WDTC1: variants seen among roughly 807,000 people sequenced by gnomAD.
The protein encoded by WDTC1 is WD and tetratricopeptide repeats 1.
In WDTC1, 12 loss-of-function variants were observed where a neutral mutation model predicts 76.0. That is an observed-to-expected ratio of 0.16 (90% CI 0.10 to 0.26). The LOEUF is 0.26. WDTC1 is among the 10% of genes least tolerant of loss of function. The probability of loss-of-function intolerance (pLI) is 1.00; values close to 1 mark genes in which losing one functional copy is unlikely to be tolerated. For missense variants in WDTC1, 511 were observed against 908.8 expected (o/e 0.56, Z 5.63); for synonymous variants, 326 against 350.8 (o/e 0.93, Z 0.79).
chr1:27,260,368 G>A (rs573758313), intron 1 of WDTC1, among the ~76,000 whole-genome samples: 1 of 152,342 alleles, frequency 6.6e-6, no homozygotes, highest in East Asian at 1.9e-4. Flanking sequence ...GCCTCCCGAA[G>A]TTCTGGGATT....
chr1:27,301,469 G>A lies in WDTC1; in HGVS notation c.1468+8G>A, dbSNP rs1439511954. 1 of 1,610,674 alleles carries A rather than the reference G, an allele frequency of 6.2e-7. No individual in the cohort carries two copies. Among genetic ancestry groups the A allele is most frequent in the South Asian group, 1.1e-5 (1 of 90,992 alleles). ...TCTCTAAAAATGATGGTGGTGAGTG[G>A]GCACTGAGGAGGGGGTGCTGTTACT... On this transcript the variant is annotated splice_region_variant and intron_variant, in intron 13 of 15. Coordinates refer to ENST00000319394, the MANE Select transcript of WDTC1 (RefSeq NM_001276252.2). This position sits in a 1 kb window ranked among gnomAD's most constrained non-coding sequence, Gnocchi z 5.8.
chr1:27,273,530 A>G (rs1238828545), intron 3 of WDTC1, among the ~76,000 whole-genome samples: 1 of 152,078 alleles, frequency 6.6e-6, no homozygotes, highest in South Asian at 2.1e-4. Context: ...TCTTAATGAC[A>G]TTAAGAAAAC....
intron 2 of WDTC1, 65 bp downstream of exon 2, chr1:27,261,167 G>T: frequency 1.2e-6 from 2 of 1,600,278 alleles, no homozygotes; most frequent in Non-Finnish European, 1.7e-6. Flanking sequence ...TGATTTTACA[G>T]ATGAAAAAAC....
At chr1:27,275,639 A>G (rs1227479078) in intron 3 of WDTC1, among the ~76,000 whole-genome samples, 1 of 151,652 alleles carries the variant, frequency 6.6e-6, no homozygotes, top group African/African-American at 2.4e-5. Flanking sequence ...AAAAATAAAG[A>G]AAAAGATGGA....
chr1:27,287,175 CA>C (rs964522810), intron 5 of WDTC1, among the ~76,000 whole-genome samples: 4 of 148,610 alleles, frequency 2.7e-5, no homozygotes, highest in African/African-American at 7.4e-5. Context: ...AAAAAAAAAA[CA>C]AAAAAAACCC....
chr1:27,271,138 G>C (rs2012857211), intron 3 of WDTC1, among the ~76,000 whole-genome samples: 2 of 152,140 alleles, frequency 1.3e-5, no homozygotes, highest in Admixed American at 1.3e-4. Flanking sequence ...CACTCCAGCG[G>C]GTGGGAGGTA....
intron 3 of WDTC1, among the ~76,000 whole-genome samples, chr1:27,264,628 C>CT (rs1553129653): frequency 4.0e-5 from 6 of 150,876 alleles, no homozygotes; most frequent in Admixed American, 1.3e-4. Context: ...TTTTGTGGGT[C>CT]TTTGTTTTGT....
At chr1:27,289,846 G>A (rs1414689937) in intron 6 of WDTC1, among the ~76,000 whole-genome samples, 3 of 152,202 alleles carry the variant, frequency 2.0e-5, no homozygotes, top group African/African-American at 7.2e-5. Flanking sequence ...CCAGTCAGGC[G>A]TGGCGGCACG....
rs753895133 is a variant in WDTC1 at position 27,305,214 on chromosome 1, A to G, written c.1836+21A>G. On this transcript the variant is annotated intron_variant, in intron 15 of 15. Coordinates refer to ENST00000319394, the MANE Select transcript of WDTC1 (RefSeq NM_001276252.2). The surrounding 1 kb of genome is among the most constrained non-coding windows in gnomAD (Gnocchi z 4.6). ...CAGAGGTGAGGGTGCAGAGCCAAGC[A>G]GAGAGGAGGGCAGGGACTCTGTGGA... 8.1e-6 allele frequency: 13 copies of G among 1,609,852 alleles called. No individual in the cohort carries two copies. The East Asian group carries it at 2.9e-4, about 36-fold the overall frequency.
chr1:27,269,914 TTGTTG>T (rs1376079131), intron 3 of WDTC1, among the ~76,000 whole-genome samples: 1 of 6,474 alleles, frequency 1.5e-4, no homozygotes, highest in African/African-American at 2.0e-4. Flanking sequence ...CCGGCCTTTG[TTGTTG>T]TTGTTGTTGT....
chr1:27,281,298 C>CA (rs2013181797), intron 3 of WDTC1, among the ~76,000 whole-genome samples: 1 of 151,874 alleles, frequency 6.6e-6, no homozygotes, highest in African/African-American at 2.4e-5. Context: ...ACTAAAAATA[C>CA]AAAAAATTAG....
rs2147991727 is a variant in WDTC1, at chr1:27,301,003, A to G, written c.1233-223A>G. Among the ~76,000 whole-genome samples, 1 of 152,278 alleles carries G rather than the reference A, an allele frequency of 6.6e-6. No homozygotes were observed. The highest frequency in any genetic ancestry group is 6.5e-5 in the Admixed American group (1 of 15,288). On this transcript the variant is annotated intron_variant, in intron 12 of 15. Transcript: ENST00000319394. This position sits in a 1 kb window ranked among gnomAD's most constrained non-coding sequence, Gnocchi z 5.8. ...GGGCAGCCTGACACCAGCTTTTGCC[A>G]CCCTCAAGACCTCAGGGTTTCCTGG...
At chr1:27,273,430 G>A (rs2147948802) in intron 3 of WDTC1, among the ~76,000 whole-genome samples, 1 of 151,904 alleles carries the variant, frequency 6.6e-6, no homozygotes, top group African/African-American at 2.4e-5. Context: ...GGATGGTCTT[G>A]ATCTCCTGAC....
intron 12 of WDTC1, among the ~76,000 whole-genome samples, chr1:27,300,859 G>A (rs2013814062): frequency 6.6e-6 from 1 of 152,238 alleles, no homozygotes; most frequent in South Asian, 2.1e-4. Context: ...GAAGGTGGAT[G>A]GGGGAAGAGA....
chr1:27,254,115 A>AC (rs2012192678), intron 1 of WDTC1, among the ~76,000 whole-genome samples: 1 of 152,244 alleles, frequency 6.6e-6, no homozygotes, highest in African/African-American at 2.4e-5. Context: ...AACAAAAACA[A>AC]AAAAAAGAAA....
Position 27,251,428 on chromosome 1 carries a change from A to G in WDTC1, c.-99-9528A>G, listed in dbSNP as rs74061744. Among the ~76,000 whole-genome samples, 1,341 of 152,078 alleles carry G rather than the reference A, an allele frequency of 8.8e-3. 23 individuals are homozygous for G. The highest frequency in any genetic ancestry group is 0.03 in the African/African-American group (1,252 of 41,512). ...CTTCTTCTGTGCCTTAAGTATTTTT[A>G]TATTTTTCATAATCTCAGCTCCCAG... is the stretch of plus-strand genomic sequence containing the variant. On this transcript the variant is annotated intron_variant, in intron 1 of 15. Coordinates refer to ENST00000319394, the MANE Select transcript of WDTC1 (RefSeq NM_001276252.2).
chr1:27,306,221 G>T lies in WDTC1; in HGVS notation c.1872G>T (p.Met624Ile). 1 of 1,614,118 alleles carries T rather than the reference G, an allele frequency of 6.2e-7. No individual in the cohort carries two copies. The highest frequency in any genetic ancestry group is 8.5e-7 in the Non-Finnish European group (1 of 1,179,998). Residue 624 changes from methionine (M) to isoleucine (I), a missense_variant, in exon 16 of 16, where the codon ATG becomes ATT. By Grantham distance (10) the Met-to-Ile change is conservative (BLOSUM62 1). Coordinates refer to ENST00000319394, the MANE Select transcript of WDTC1 (RefSeq NM_001276252.2). The surrounding 1 kb of genome is among the most constrained non-coding windows in gnomAD (Gnocchi z 5.0). ...EDLTGRVVED[M>I]EGASQANQRR... The stretch of plus-strand genomic sequence containing the variant: ...TCACAGGCCGAGTCGTGGAAGATAT[G>T]GAGGGTGCTTCACAGGCCAACCAGC...
At chr1:27,289,157 G>A (rs1025769887) in intron 6 of WDTC1, among the ~76,000 whole-genome samples, 4 of 149,226 alleles carry the variant, frequency 2.7e-5, no homozygotes, top group Admixed American at 6.6e-5. Flanking sequence ...AGGGGCGGCC[G>A]GGCAGAGGCG....
In WDTC1 at chr1:27,303,129, T is replaced by C. The variant is rs1384409604; in HGVS notation, c.1469-492T>C. The stretch of plus-strand genomic sequence containing the variant: ...CTCTACTAAAAATACAAAAATTAGC[T>C]GGGCGTGGTGGCACGTGCCTGGTAG... On this transcript the variant is annotated intron_variant, in intron 13 of 15. Coordinates refer to ENST00000319394, the MANE Select transcript of WDTC1 (RefSeq NM_001276252.2). This position sits in a 1 kb window ranked among gnomAD's most constrained non-coding sequence, Gnocchi z 4.8. 6.6e-6 allele frequency among the ~76,000 whole-genome samples: 1 copy of C among 151,830 alleles called. No homozygotes were observed. The highest frequency in any genetic ancestry group is 1.5e-5 in the Non-Finnish European group (1 of 67,946).
Sources: gnomAD v4.1 joint callset for allele counts (sites outside exome capture counted in the v4.1 genomes callset) on GRCh38, gnomAD v4.1.1 for gene constraint, Gnocchi (gnomAD v3.1) non-coding constraint, MANE v1.5 for transcripts, NCBI Gene and HGNC (gene_info 2026-07-23, HGNC 2026-07-21) for gene names.